RIPOR3: variants seen among roughly 807,000 people sequenced by gnomAD.
The protein encoded by RIPOR3 is family with sequence similarity 65 member C.
A neutral mutation model predicts 114.3 loss-of-function variants in RIPOR3; 95 were observed. The ratio of observed to expected loss-of-function variants is 0.83; its 90% confidence interval spans 0.70 to 0.99. The LOEUF is 0.99. RIPOR3 is among the 50% of genes least tolerant of loss of function. The pLI is 0.00. For synonymous variants in RIPOR3, 575 were observed against 543.8 expected (o/e 1.06, Z -0.80); for missense variants, 1,252 against 1,266.9 (o/e 0.99, Z 0.18).
At chr20:50,645,778 C>G (rs2085379633) in intron 1 of RIPOR3, 1 of 152,314 alleles carries the variant, frequency 6.6e-6, no homozygotes. Flanking sequence ...GGGACTCCCG[C>G]ACAGCCACGT....
chr20:50,602,370 C>T lies in RIPOR3; in HGVS notation c.1361G>A (p.Gly454Asp), dbSNP rs1447149250. The T allele has an allele frequency of 1.2e-6, 2 of 1,613,406 alleles. No individual in the cohort carries two copies. The highest frequency in any genetic ancestry group is 4.5e-5 in the East Asian group (2 of 44,884). The change falls in exon 13 of 22, where the codon GGT (glycine) becomes GAT (aspartate). Residue 454 changes from glycine to aspartate, a missense_variant. By Grantham distance (94) the Gly-to-Asp change is moderately conservative. Coordinates refer to ENST00000327979, the MANE Select transcript of RIPOR3 (RefSeq NM_001290268.2). This position sits in a 1 kb window ranked among gnomAD's most constrained non-coding sequence, Gnocchi z 4.3. ...EEAREDPLPP[G>D]LLPEMAHLSG... The stretch of plus-strand genomic sequence containing the variant: ...GAGGTGGGCCATCTCTGGCAGGAGA[C>T]CTGGGGGCAGGGGGTCCTCCCGAGC...
intron 13 of RIPOR3, among the ~76,000 whole-genome samples, chr20:50,600,996 A>G (rs924008359): frequency 6.6e-6 from 1 of 152,256 alleles, no homozygotes; most frequent in Non-Finnish European, 1.5e-5. Context: ...TTTCAGTGCC[A>G]AAGTGTATCT....
rs964415608 is a variant in RIPOR3, at chr20:50,587,151, T to C, written c.*81A>G. ...ACTCCTGGAGGAGTGCACAGCACCA[T>C]TACCCAGAGTGCAGGCTATGTCCAG... is the stretch of plus-strand genomic sequence containing the variant. On this transcript the variant is annotated 3_prime_UTR_variant, in exon 22 of 22. Transcript: ENST00000327979. The C allele has an allele frequency of 4.7e-6, 5 of 1,071,974 alleles. No homozygotes were observed. Among genetic ancestry groups the C allele is most frequent in the Admixed American group, 1.9e-5 (1 of 53,276 alleles). 66.4% of individuals were successfully genotyped at this position (1,071,974 alleles called of 1,614,324 possible). A position where few individuals can be genotyped will look rare whatever the true frequency, so the allele number is the denominator to read the frequency against.
intron 2 of RIPOR3, among the ~76,000 whole-genome samples, chr20:50,627,872 G>A (rs2084680431): frequency 6.6e-6 from 1 of 152,176 alleles, no homozygotes; most frequent in African/African-American, 2.4e-5. Flanking sequence ...TCATGAAGCC[G>A]CCCTTGGGTA....
Position 50,587,851 on chromosome 20 carries a change from A to C in RIPOR3, c.2703T>G (p.Ser901=), listed in dbSNP as rs200853240. The C allele has an allele frequency of 7.4e-6, 12 of 1,614,180 alleles. No homozygotes were observed. In the African/African-American group the frequency reaches 9.3e-5, roughly 13 times the overall value. ...SIDQTASLCQ[S]DLEAVRAAAR... is the part of the protein sequence containing the mutation. ...CTGCCGCCCGCACGGCCTCCAGGTCAGACTGGCACAGGCTGGCAGTCTGGT... is the reference window on the plus strand; with the variant it reads ...CTGCCGCCCGCACGGCCTCCAGGTCCGACTGGCACAGGCTGGCAGTCTGGT... Residue 901 remains serine (S), a synonymous_variant, in exon 21 of 22, where the codon TCT becomes TCG. Coordinates refer to ENST00000327979, the MANE Select transcript of RIPOR3 (RefSeq NM_001290268.2).
At chr20:50,679,460 T>C (rs929772175) in intron 1 of RIPOR3, among the ~76,000 whole-genome samples, 1 of 150,040 alleles carries the variant, frequency 6.7e-6, no homozygotes, top group Non-Finnish European at 1.5e-5. Context: ...CTGGGCAACA[T>C]GGCAAGATCC....
intron 1 of RIPOR3, among the ~76,000 whole-genome samples, chr20:50,684,131 A>G (rs1374288192): frequency 6.6e-6 from 1 of 152,028 alleles, no homozygotes; most frequent in Admixed American, 6.6e-5. Context: ...CCAGCAGGGG[A>G]CACTTAAGAA....
chr20:50,670,137 A>G (rs1327425986), intron 1 of RIPOR3, among the ~76,000 whole-genome samples: 4 of 149,422 alleles, frequency 2.7e-5, no homozygotes, highest in African/African-American at 9.9e-5. Context: ...AGCCTGGGCA[A>G]CAAGAGCAGA....
intron 2 of RIPOR3, chr20:50,620,628 AAAATAAATAAATAAATAAAT>A (rs146738887): frequency 0.053 from 8,660 of 162,724 alleles, 435 homozygotes; most frequent in African/African-American, 0.13. Context: ...CTCAGTCTTA[AAAATAAATAAATAAATAAAT>A]AAATAAATAA....
chr20:50,623,836 ATTATTC>A (rs1042513468), intron 2 of RIPOR3, among the ~76,000 whole-genome samples: 2 of 151,966 alleles, frequency 1.3e-5, no homozygotes, highest in Admixed American at 6.6e-5. Context: ...GGAGACAGGT[ATTATTC>A]TTATTATTAT....
intron 1 of RIPOR3, among the ~76,000 whole-genome samples, chr20:50,655,937 A>G (rs926718374): frequency 5.3e-5 from 8 of 152,100 alleles, no homozygotes; most frequent in Non-Finnish European, 1.0e-4. Flanking sequence ...AAATACAAGT[A>G]TGAAGAAGAA....
rs1185504826 is a variant in RIPOR3, at chr20:50,608,925, C to T, written c.671G>A (p.Gly224Glu). Reference sequence around the variant, plus strand: ...GAGTGGCCGTACCTCATAGTGGTCTCCGGGACAGAGGCGTGCGTAGCCCAC... The same window carrying T: ...GAGTGGCCGTACCTCATAGTGGTCTTCGGGACAGAGGCGTGCGTAGCCCAC... The part of the protein sequence containing the change: ...GLVGYARLCP[G>E]DHYEVLMRLG... Residue 224 changes from glycine (G) to glutamate (E), a missense_variant, in exon 9 of 22, where the codon GGA (glycine) becomes GAA (glutamate). Gly to Glu is a moderately conservative substitution (Grantham distance 98, BLOSUM62 -2). Transcript: ENST00000327979. 2 of 1,592,928 alleles carry T rather than the reference C, an allele frequency of 1.3e-6. No homozygotes were observed. Among genetic ancestry groups the T allele is most frequent in the Non-Finnish European group, 1.7e-6 (2 of 1,170,354 alleles).
At chr20:50,588,030 T>G in intron 20 of RIPOR3, 138 bp from the exon 21 acceptor site, 1 of 760,344 alleles carries the variant, frequency 1.3e-6, no homozygotes, top group Non-Finnish European at 2.1e-6. Context: ...GGCTTCCAGG[T>G]TTTTTAGGTG....
chr20:50,591,075 C>T (rs1292346674), intron 19 of RIPOR3, among the ~76,000 whole-genome samples: 1 of 152,050 alleles, frequency 6.6e-6, no homozygotes, highest in African/African-American at 2.4e-5. Flanking sequence ...TCTAGGTCAA[C>T]CTGGGATCGA....
At chr20:50,644,676 C>CTTTTT (rs61225138) in intron 1 of RIPOR3, among the ~76,000 whole-genome samples, 3 of 74,580 alleles carry the variant, frequency 4.0e-5, no homozygotes, top group African/African-American at 1.1e-4. Context: ...TTTTTGTTTG[C>CTTTTT]TTTTTTTTTT....
intron 8 of RIPOR3, 28 bp from the exon 9 acceptor site, chr20:50,608,983 C>T (rs1354553764): frequency 1.9e-6 from 3 of 1,557,802 alleles, no homozygotes; most frequent in Non-Finnish European, 2.6e-6. Flanking sequence ...CCGGTCTCCC[C>T]TCCGCCTTCC....
At chr20:50,636,670 C>T (rs1027445602) in intron 1 of RIPOR3, 32 of 985,550 alleles carry the variant, frequency 3.2e-5, no homozygotes, top group African/African-American at 5.2e-5. Flanking sequence ...CGTTCAGACC[C>T]GGCTGGTGTG....
intron 1 of RIPOR3, among the ~76,000 whole-genome samples, chr20:50,679,799 C>T (rs1257224950): frequency 2.7e-5 from 4 of 146,716 alleles, no homozygotes. Context: ...TACTAAAAAA[C>T]TGCAAAAATT....
At position 50,592,561 on chromosome 20, in the gene RIPOR3, A is replaced by G; in HGVS notation, c.2375-15T>C. The G allele has an allele frequency of 6.7e-7, 1 of 1,497,266 alleles. No individual in the cohort carries two copies. Among genetic ancestry groups the G allele is most frequent in the Non-Finnish European group, 8.9e-7 (1 of 1,122,056 alleles). The allele number at this position is 1,497,266 out of a possible 1,614,324, so 92.7% of individuals were successfully genotyped here. A position where few individuals can be genotyped will look rare whatever the true frequency, so the allele number is the denominator to read the frequency against. ...GATGAGTGTCACTAGAAGACAGGAAAGAGGTGGGCCCAGGTCCCCTGAATG... is the reference window on the plus strand; with the variant it reads ...GATGAGTGTCACTAGAAGACAGGAAGGAGGTGGGCCCAGGTCCCCTGAATG... On this transcript the variant is annotated splice_polypyrimidine_tract_variant and intron_variant, in intron 18 of 21. Transcript: ENST00000327979.
Sources: allele counts gnomAD v4.1 joint callset (sites outside exome capture counted in the v4.1 genomes callset), GRCh38; gene constraint gnomAD v4.1.1; non-coding constraint Gnocchi (gnomAD v3.1); transcripts MANE v1.5; gene names NCBI Gene and HGNC (gene_info 2026-07-23, HGNC 2026-07-21).